The following VAV3 variants were observed in gnomAD, a reference collection of about 807,000 sequenced individuals.
The protein encoded by VAV3 is guanine nucleotide exchange factor VAV3.
VAV3 carries 94 observed loss-of-function variants against 131.2 expected under a neutral mutation model. The ratio of observed to expected loss-of-function variants is 0.72; its 90% confidence interval spans 0.61 to 0.85. VAV3 has a LOEUF of 0.85. VAV3 is among the 40% of genes least tolerant of loss of function. The pLI is 0.00. For missense variants in VAV3, 939 were observed against 1,002.7 expected, an observed-to-expected ratio of 0.94 and a Z score of 0.86; for synonymous variants, 349 against 342.0, an observed-to-expected ratio of 1.02 and a Z score of -0.22.
chr1:107,707,843 A>G (rs566892044), intron 15 of VAV3, among the ~76,000 whole-genome samples: 1 of 152,326 alleles, frequency 6.6e-6, no homozygotes, highest in East Asian at 1.9e-4. Context: ...AAGGGTTGGG[A>G]AAGTAGATTG....
chr1:107,875,153 T>C, intron 1 of VAV3, 136 bp from the exon 2 acceptor site: 1 of 736,950 alleles, frequency 1.4e-6, no homozygotes, highest in Non-Finnish European at 2.3e-6. Context: ...AATTACTCAT[T>C]CAGCAGTACT....
intron 15 of VAV3, among the ~76,000 whole-genome samples, chr1:107,711,919 C>G (rs759321157): frequency 3.9e-5 from 6 of 152,264 alleles, no homozygotes; most frequent in Non-Finnish European, 2.9e-5. Context: ...CTCCTGACCT[C>G]AGGTGATCTG....
intron 1 of VAV3, among the ~76,000 whole-genome samples, chr1:107,952,760 T>C (rs1393855913): frequency 2.0e-5 from 3 of 151,990 alleles, no homozygotes; most frequent in African/African-American, 7.2e-5. Flanking sequence ...GGTCAGGGAT[T>C]GAGTTTCATT....
intron 21 of VAV3, among the ~76,000 whole-genome samples, chr1:107,613,382 GTTTTAT>G (rs765847118): frequency 2.6e-5 from 4 of 151,914 alleles, no homozygotes; most frequent in Non-Finnish European, 5.9e-5. Flanking sequence ...TCCATTTTCT[GTTTTAT>G]TTTTAACTTC....
intron 2 of VAV3, among the ~76,000 whole-genome samples, chr1:107,790,841 C>A (rs897230792): frequency 6.6e-6 from 1 of 151,874 alleles, no homozygotes; most frequent in Non-Finnish European, 1.5e-5. Flanking sequence ...GCACCTGCCA[C>A]CACGCCCAGC....
intron 25 of VAV3, among the ~76,000 whole-genome samples, chr1:107,591,991 T>C (rs761628291): frequency 6.6e-6 from 1 of 152,102 alleles, no homozygotes; most frequent in Admixed American, 6.6e-5. Context: ...TAGCAACATA[T>C]ATACACACAT....
At chr1:107,668,723 A>G in intron 19 of VAV3, 1 of 984,936 alleles carries the variant, frequency 1.0e-6, no homozygotes, top group Non-Finnish European at 1.2e-6. Flanking sequence ...GAAACTAACA[A>G]TTCTAAAGAA....
chr1:107,860,896 G>A (rs1669706423), intron 2 of VAV3, among the ~76,000 whole-genome samples: 1 of 151,574 alleles, frequency 6.6e-6, no homozygotes, highest in Non-Finnish European at 1.5e-5. Flanking sequence ...AAGAAGAAAA[G>A]ACTTACAGAA....
intron 13 of VAV3, among the ~76,000 whole-genome samples, chr1:107,750,646 A>G (rs1001091781): frequency 6.6e-6 from 1 of 152,244 alleles, no homozygotes; most frequent in Non-Finnish European, 1.5e-5. Context: ...TTTGATGATT[A>G]CATATATACA....
At chr1:107,669,155 T>C in intron 19 of VAV3, 1 of 1,077,226 alleles carries the variant, frequency 9.3e-7, no homozygotes, top group Non-Finnish European at 1.1e-6. Context: ...TTCATTCTAT[T>C]TCACCTTACA....
intron 1 of VAV3, among the ~76,000 whole-genome samples, chr1:107,911,966 A>G (rs1468485509): frequency 2.6e-5 from 4 of 152,242 alleles, no homozygotes; most frequent in African/African-American, 9.6e-5. Flanking sequence ...GTCAAGTGCC[A>G]TGATGTAGTA....
chr1:107,783,528 G>A (rs958513690), intron 2 of VAV3, among the ~76,000 whole-genome samples: 7 of 152,016 alleles, frequency 4.6e-5, no homozygotes, highest in Admixed American at 1.3e-4. Context: ...CCCCAAGGCC[G>A]CCTACCAGAA....
chr1:107,909,081 T>C (rs6702443), intron 1 of VAV3, among the ~76,000 whole-genome samples: 45,379 of 152,064 alleles, frequency 0.3, 7,130 homozygotes, highest in African/African-American at 0.42. Flanking sequence ...AAATATTTAT[T>C]TGCTATCTAA....
At chr1:107,763,323 G>C (rs1369620867) in intron 9 of VAV3, among the ~76,000 whole-genome samples, 1 of 152,154 alleles carries the variant, frequency 6.6e-6, no homozygotes, top group East Asian at 1.9e-4. Context: ...TACATACTTA[G>C]AGTCCCAGAG....
intron 19 of VAV3, among the ~76,000 whole-genome samples, chr1:107,651,108 C>T (rs149120415): frequency 2.5e-4 from 38 of 152,216 alleles, no homozygotes; most frequent in Non-Finnish European, 4.6e-4. Context: ...CCATCTACCA[C>T]GTGAGAACAC....
At chr1:107,700,794 C>G (rs534317318) in intron 17 of VAV3, among the ~76,000 whole-genome samples, 4 of 152,150 alleles carry the variant, frequency 2.6e-5, no homozygotes, top group Non-Finnish European at 5.9e-5. Flanking sequence ...AGAATGATTT[C>G]TATTCCTCTG....
Position 107,787,878 on chromosome 1 carries a change from A to G in VAV3, c.322-8386T>C, listed in dbSNP as rs570617969. Among the ~76,000 whole-genome samples, 4 of 151,680 alleles carry G rather than the reference A, an allele frequency of 2.6e-5. No individual in the cohort carries two copies. In the East Asian group the frequency reaches 7.8e-4, roughly 29 times the overall value. On this transcript the variant is annotated intron_variant, in intron 2 of 26. Coordinates refer to ENST00000370056, the MANE Select transcript of VAV3 (RefSeq NM_006113.5). ...CCGTCTCTGCCTTCTTGACCTCAACACTCTGCCTCTGAAGACCCCAAACAG... is the reference window on the plus strand; with the variant it reads ...CCGTCTCTGCCTTCTTGACCTCAACGCTCTGCCTCTGAAGACCCCAAACAG...
chr1:107,690,364 C>T (rs1337376989), intron 17 of VAV3, among the ~76,000 whole-genome samples: 4 of 152,142 alleles, frequency 2.6e-5, no homozygotes, highest in African/African-American at 9.7e-5. Flanking sequence ...GAGACACTTG[C>T]ACCTCTTCAT....
chr1:107,600,491 T>G (rs1651761044), intron 24 of VAV3, among the ~76,000 whole-genome samples: 1 of 152,334 alleles, frequency 6.6e-6, no homozygotes, highest in East Asian at 1.9e-4. Context: ...CGAAAACACA[T>G]ATGCACGTGT....
Sources: allele counts gnomAD v4.1 joint callset (sites outside exome capture counted in the v4.1 genomes callset), GRCh38; gene constraint gnomAD v4.1.1; transcripts MANE v1.5; gene names NCBI Gene and HGNC (gene_info 2026-07-23, HGNC 2026-07-21).